Variants in PCDH15 observed in about 807,000 individuals in gnomAD.
PCDH15 encodes the protein protocadherin related 15.
In PCDH15, 129 loss-of-function variants were observed where a neutral mutation model predicts 178.5. That is an observed-to-expected ratio of 0.72 (90% confidence interval 0.63 to 0.84). The LOEUF (loss-of-function observed/expected upper bound fraction) is 0.84. PCDH15 is among the 40% of genes least tolerant of loss of function. The pLI is 0.00. For missense variants in PCDH15, 2,230 were observed against 2,099.9 expected (o/e 1.06, Z -1.21); for synonymous variants, 800 against 732.0 (o/e 1.09, Z -1.50).
At chr10:55,589,370 T>C (rs1040941292) in intron 2 of PCDH15, among the ~76,000 whole-genome samples, 10 of 152,132 alleles carry the variant, frequency 6.6e-5, no homozygotes, top group African/African-American at 2.2e-4. Context: ...GTTATAGATA[T>C]ACGGCGTTAT....
chr10:54,257,972 A>C lies in PCDH15; in HGVS notation c.877-21041T>G, dbSNP rs189984887. On this transcript the variant is annotated intron_variant, in intron 8 of 37. Coordinates refer to ENST00000644397, the MANE Select transcript of PCDH15 (RefSeq NM_001384140.1). The stretch of plus-strand genomic sequence containing the variant: ...GGCCCAGTACACATTAAGTTGACCT[A>C]CTGCATGATGTCCAGTCAGTATTAA... Among the ~76,000 whole-genome samples the C allele has an allele frequency of 1.2e-3, 186 of 152,288 alleles. 1 individual carries two copies. Among genetic ancestry groups the C allele is most frequent in the Non-Finnish European group, 1.7e-3 (118 of 68,010 alleles).
At chr10:53,843,717 ATATTTTCTAGTTTAAAAATGAAAAAAAT>A (rs1358332839) in intron 28 of PCDH15, among the ~76,000 whole-genome samples, 6 of 152,088 alleles carry the variant, frequency 3.9e-5, no homozygotes, top group Non-Finnish European at 7.4e-5. Context: ...ATATAAATCT[ATATTTTCTAGTTTAAAAATGAAAAAAAT>A]TAAATTGGAT....
Position 54,779,440 on chromosome 10 carries a change from ATATATATACACTCATATATGTGTG to A in PCDH15, c.-29+21461_-29+21484del, listed in dbSNP as rs1285542768. 2.8e-4 allele frequency among the ~76,000 whole-genome samples: 34 copies of A among 120,238 alleles called. 1 individual carries two copies. Among genetic ancestry groups the A allele is most frequent in the Non-Finnish European group, 4.2e-4 (24 of 57,246 alleles). 78.9% of individuals were successfully genotyped at this position (120,238 alleles called of 152,430 possible). A position where few individuals can be genotyped will look rare whatever the true frequency, so the allele number is the denominator to read the frequency against. On this transcript the variant is annotated intron_variant, in intron 1 of 37. Coordinates refer to ENST00000644397, the MANE Select transcript of PCDH15 (RefSeq NM_001384140.1). Reference sequence around the variant, plus strand: ...TATATATACACACACATATGTGTATATATATATACACTCATATATGTGTGTATATATATACACACATATATATGT... The same window carrying A: ...TATATATACACACACATATGTGTATATATATATATACACACATATATATGT...
rs11003931 is a variant in PCDH15 at position 53,918,514 on chromosome 10, G to A, written c.3374-15144C>T. On this transcript the variant is annotated intron_variant, in intron 25 of 37. Coordinates refer to ENST00000644397, the MANE Select transcript of PCDH15 (RefSeq NM_001384140.1). ...AAAGAATTATTGAATAAAACGATAC[G>A]TCTATTTCAAAAGACAGACAAGTAC... Among the ~76,000 whole-genome samples, 1,394 of 152,144 alleles carry A rather than the reference G, an allele frequency of 9.2e-3. 54 individuals carry two copies. In the East Asian group the frequency reaches 0.13, roughly 14 times the overall value.
chr10:55,558,720 T>A (rs955675307), intron 2 of PCDH15, among the ~76,000 whole-genome samples: 1 of 152,076 alleles, frequency 6.6e-6, no homozygotes, highest in Non-Finnish European at 1.5e-5. Context: ...ATACAGAATA[T>A]AACTCAAATG....
At chr10:54,890,741 A>G (rs1382276390) in intron 3 of PCDH15, among the ~76,000 whole-genome samples, 1 of 152,054 alleles carries the variant, frequency 6.6e-6, no homozygotes, top group African/African-American at 2.4e-5. Flanking sequence ...TCAGCTTCCT[A>G]CAGAATATGT....
intron 14 of PCDH15, among the ~76,000 whole-genome samples, chr10:54,150,458 A>C (rs2044413664): frequency 6.6e-6 from 1 of 152,028 alleles, no homozygotes; most frequent in African/African-American, 2.4e-5. Context: ...TAATATTAGT[A>C]AACTGTATCT....
At chr10:54,416,210 A>G (rs1565215246) in intron 3 of PCDH15, among the ~76,000 whole-genome samples, 2 of 152,076 alleles carry the variant, frequency 1.3e-5, no homozygotes, top group Non-Finnish European at 2.9e-5. Context: ...GGTTTGTTAC[A>G]GAAGTATACG....
At chr10:54,993,333 A>G (rs1316837) in intron 2 of PCDH15, among the ~76,000 whole-genome samples, 55,498 of 152,104 alleles carry the variant, frequency 0.36, 12,317 homozygotes, top group African/African-American at 0.62. Context: ...TGGGTGTGAG[A>G]GTACAGGTAG....
At chr10:55,607,087 G>T (rs1162222297) in intron 2 of PCDH15, among the ~76,000 whole-genome samples, 3 of 152,120 alleles carry the variant, frequency 2.0e-5, no homozygotes, top group Non-Finnish European at 2.9e-5. Flanking sequence ...AGTGGGCAAA[G>T]GATATGAACA....
intron 3 of PCDH15, among the ~76,000 whole-genome samples, chr10:54,825,356 C>T (rs1953110677): frequency 6.8e-6 from 1 of 147,250 alleles, no homozygotes; most frequent in South Asian, 2.2e-4. Context: ...GTCTTTATAG[C>T]AGCATGATTT....
chr10:55,589,100 A>C (rs1182117453), intron 2 of PCDH15, among the ~76,000 whole-genome samples: 2 of 150,634 alleles, frequency 1.3e-5, no homozygotes, highest in South Asian at 2.1e-4. Context: ...AAAAAAAAAA[A>C]AGAAAGAAAG....
chr10:55,176,595 A>G (rs1056957712), intron 1 of PCDH15, among the ~76,000 whole-genome samples: 15 of 152,158 alleles, frequency 9.9e-5, no homozygotes, highest in Admixed American at 8.5e-4. Context: ...AAACCCTGCA[A>G]CAACCCTTGT....
intron 2 of PCDH15, among the ~76,000 whole-genome samples, chr10:55,053,054 A>C (rs1841205637): frequency 6.6e-6 from 1 of 152,220 alleles, no homozygotes; most frequent in South Asian, 2.1e-4. Context: ...AACGTACATG[A>C]CAAGAACCTA....
intron 2 of PCDH15, among the ~76,000 whole-genome samples, chr10:55,330,785 A>G (rs1844178275): frequency 6.6e-6 from 1 of 151,720 alleles, no homozygotes; most frequent in South Asian, 2.1e-4. Flanking sequence ...ACCAATAAAA[A>G]TAAGTGAACC....
At chr10:54,633,843 A>C (rs1227240299) in intron 2 of PCDH15, among the ~76,000 whole-genome samples, 1 of 152,118 alleles carries the variant, frequency 6.6e-6, no homozygotes, top group Non-Finnish European at 1.5e-5. Context: ...CTGAAAAACT[A>C]AACCTAAATC....
In PCDH15 at chr10:54,784,545, T is replaced by C. The variant is rs562713665; in HGVS notation, c.-29+16380A>G. 2.0e-5 allele frequency among the ~76,000 whole-genome samples: 3 copies of C among 152,154 alleles called. No homozygotes were observed. In the East Asian group the frequency reaches 5.8e-4, roughly 30 times the overall value. On this transcript the variant is annotated intron_variant, in intron 1 of 37. Coordinates refer to ENST00000644397, the MANE Select transcript of PCDH15 (RefSeq NM_001384140.1). ...TGAAGAAGAAGTAAAGTCTTTCCTA[T>C]ATGGACAAAAACTAAGAGAATCAAT...
At chr10:54,997,937 T>C (rs1839687178) in intron 2 of PCDH15, among the ~76,000 whole-genome samples, 2 of 152,244 alleles carry the variant, frequency 1.3e-5, no homozygotes, top group African/African-American at 2.4e-5. Flanking sequence ...TATGCAGAAA[T>C]GTATTTTTTA....
intron 1 of PCDH15, among the ~76,000 whole-genome samples, chr10:54,680,255 G>A (rs943979454): frequency 1.3e-5 from 2 of 151,964 alleles, no homozygotes; most frequent in African/African-American, 4.8e-5. Flanking sequence ...GAGTGTCTGG[G>A]GACAGTGTTC....
Sources: allele counts gnomAD v4.1 joint callset (sites outside exome capture counted in the v4.1 genomes callset), GRCh38; gene constraint gnomAD v4.1.1; transcripts MANE v1.5; gene names NCBI Gene and HGNC (gene_info 2026-07-23, HGNC 2026-07-21).